VMP1: variants seen among roughly 807,000 people sequenced by gnomAD.
The protein encoded by VMP1 is vacuole membrane protein 1, also known as ectopic P-granules autophagy protein 3 homolog.
Under a neutral mutation model 56.0 loss-of-function variants are expected in VMP1, and 11 were observed. The observed-to-expected ratio is 0.20, with a 90% CI of 0.12 to 0.32. The LOEUF is 0.32. Among genes scored for constraint, VMP1 ranks in the 10% least tolerant of loss-of-function variants. The pLI is 1.00. For synonymous variants in VMP1, 149 were observed against 165.0 expected (o/e 0.90, Z 0.74); for missense variants, 296 against 490.3 (o/e 0.60, Z 3.74).
At chr17:59,724,624 A>G (rs1238914188) in intron 1 of VMP1, among the ~76,000 whole-genome samples, 1 of 151,980 alleles carries the variant, frequency 6.6e-6, no homozygotes, top group Admixed American at 6.5e-5. Context: ...GTGAGCCAAT[A>G]TTGTGCTATT....
Position 59,840,011 on chromosome 17 carries a change from A to G in VMP1, c.*100A>G, listed in dbSNP as rs1008974740. 7 of 1,492,810 alleles carry G rather than the reference A, an allele frequency of 4.7e-6. No individual in the cohort carries two copies. Among genetic ancestry groups the G allele is most frequent in the African/African-American group, 1.4e-5 (1 of 69,806 alleles). 92.5% of individuals were successfully genotyped at this position (1,492,810 alleles called of 1,614,324 possible). On this transcript the variant is annotated 3_prime_UTR_variant, in exon 12 of 12. Transcript: ENST00000262291. Reference sequence around the variant, plus strand: ...AGGAAAATTCCCTTTTCCAACCTGTATCAATTTTTACAACTTTTTTCCTGA... The same window carrying G: ...AGGAAAATTCCCTTTTCCAACCTGTGTCAATTTTTACAACTTTTTTCCTGA...
chr17:59,828,782 C>T (rs1191072975), intron 10 of VMP1, among the ~76,000 whole-genome samples: 1 of 152,162 alleles, frequency 6.6e-6, no homozygotes, highest in Non-Finnish European at 1.5e-5. Context: ...AAGTAGAATA[C>T]ATCAGTTACC....
At chr17:59,832,761 A>ATTTTTTTTTTTTTT (rs71145580) in intron 10 of VMP1, among the ~76,000 whole-genome samples, 45 of 101,300 alleles carry the variant, frequency 4.4e-4, no homozygotes, top group African/African-American at 7.6e-4. Flanking sequence ...GCCTGGCAAT[A>ATTTTTTTTTTTTTT]TTTTTTTTTT....
intron 10 of VMP1, among the ~76,000 whole-genome samples, chr17:59,821,089 GC>G (rs1248390764): frequency 6.6e-6 from 1 of 150,978 alleles, no homozygotes; most frequent in African/African-American, 2.4e-5. Flanking sequence ...TCCTGCCTCA[GC>G]CCCCCGAGTA....
At chr17:59,770,784 G>T (rs551659380) in intron 6 of VMP1, among the ~76,000 whole-genome samples, 1 of 152,098 alleles carries the variant, frequency 6.6e-6, no homozygotes, top group South Asian at 2.1e-4. Context: ...GTTTCACAAT[G>T]TTGGTCAGAC....
intron 1 of VMP1, among the ~76,000 whole-genome samples, chr17:59,717,847 G>T (rs1160965867): frequency 6.6e-6 from 1 of 152,138 alleles, no homozygotes; most frequent in African/African-American, 2.4e-5. Context: ...TTGAACCTGG[G>T]AGGTGGAGTT....
chr17:59,810,446 G>A (rs1003607082), intron 8 of VMP1, among the ~76,000 whole-genome samples: 7 of 152,038 alleles, frequency 4.6e-5, no homozygotes, highest in East Asian at 1.9e-4. Context: ...AAGACACTGC[G>A]CCCAGCCTAC....
chr17:59,817,068 A>G (rs1190862464), intron 9 of VMP1, among the ~76,000 whole-genome samples: 4 of 151,802 alleles, frequency 2.6e-5, no homozygotes, highest in African/African-American at 9.7e-5. Context: ...CAGGAGTTCA[A>G]GACCAGCCTG....
At chr17:59,774,421 AAAAG>A (rs201444735) in intron 7 of VMP1, among the ~76,000 whole-genome samples, 34 of 151,582 alleles carry the variant, frequency 2.2e-4, no homozygotes, top group African/African-American at 6.0e-4. Context: ...CTAAAAAAAA[AAAAG>A]AAAGAAAGAA....
intron 5 of VMP1, among the ~76,000 whole-genome samples, chr17:59,743,784 T>G (rs546778755): frequency 7.2e-5 from 11 of 152,042 alleles, no homozygotes; most frequent in Non-Finnish European, 1.3e-4. Context: ...GCTTAATAGC[T>G]CCAAGACTTT....
chr17:59,764,697 C>T (rs1216773951), intron 5 of VMP1, among the ~76,000 whole-genome samples: 2 of 151,954 alleles, frequency 1.3e-5, no homozygotes, highest in Non-Finnish European at 2.9e-5. Context: ...ATATGTTCGT[C>T]AAAGCTAATT....
In VMP1 at chr17:59,838,443, C is replaced by G. The variant is rs528047002; in HGVS notation, c.1077+46C>G. The stretch of plus-strand genomic sequence containing the variant: ...CTTCTCCCCTCTGGGAAGTTTCGGG[C>G]TGAAATTACATTCACAGCTCTCACT... On this transcript the variant is annotated intron_variant, in intron 11 of 11. Coordinates refer to ENST00000262291, the MANE Select transcript of VMP1 (RefSeq NM_030938.5). 1.4e-4 allele frequency: 226 copies of G among 1,589,062 alleles called. 3 individuals are homozygous for G. In the South Asian group the frequency reaches 2.3e-3, roughly 16 times the overall value.
intron 6 of VMP1, among the ~76,000 whole-genome samples, chr17:59,769,787 T>C (rs2036361173): frequency 6.6e-6 from 1 of 152,216 alleles, no homozygotes; most frequent in Admixed American, 6.5e-5. Context: ...CAGTTTTCAG[T>C]GTTCCACAAT....
intron 1 of VMP1, among the ~76,000 whole-genome samples, chr17:59,718,922 C>T (rs939190495): frequency 2.6e-5 from 4 of 151,962 alleles, no homozygotes; most frequent in African/African-American, 7.3e-5. Flanking sequence ...TCAGAGTACA[C>T]ATTCTTTAAC....
rs1331446636 is a variant in VMP1 at position 59,712,025 on chromosome 17, A to C, written c.-27+4277A>C. ...GCAACTCTTGGATTAGTTACTTTTT[A>C]CTTCTTGCTATCTCAGTTTCCTCCT... is the stretch of plus-strand genomic sequence containing the variant. On this transcript the variant is annotated intron_variant, in intron 1 of 11. Transcript: ENST00000262291. Among the ~76,000 whole-genome samples, 3 of 152,074 alleles carry C rather than the reference A, an allele frequency of 2.0e-5. No homozygotes were observed. In the South Asian group the frequency reaches 6.2e-4, roughly 32 times the overall value.
intron 9 of VMP1, 62 bp downstream of exon 9, chr17:59,811,848 T>A: frequency 8.7e-7 from 1 of 1,144,978 alleles, no homozygotes; most frequent in Non-Finnish European, 1.3e-6. Context: ...CAATGAAACA[T>A]GCTCATTCCT....
At chr17:59,721,825 C>T (rs958733742) in intron 1 of VMP1, among the ~76,000 whole-genome samples, 24 of 152,166 alleles carry the variant, frequency 1.6e-4, no homozygotes, top group African/African-American at 5.8e-4. Context: ...TAACAGAATA[C>T]CACAGACAAA....
intron 5 of VMP1, among the ~76,000 whole-genome samples, chr17:59,758,725 G>A (rs2035936971): frequency 6.6e-6 from 1 of 152,024 alleles, no homozygotes; most frequent in Non-Finnish European, 1.5e-5. Context: ...CCAGCACTTT[G>A]GGAGGTGTTG....
chr17:59,774,709 G>T (rs543571875), intron 7 of VMP1, among the ~76,000 whole-genome samples: 26 of 151,908 alleles, frequency 1.7e-4, no homozygotes, highest in Non-Finnish European at 3.2e-4. Flanking sequence ...TTGATTTAGG[G>T]TCTCACTCTG....
Sources: gnomAD v4.1 joint callset for allele counts (sites outside exome capture counted in the v4.1 genomes callset) on GRCh38, gnomAD v4.1.1 for gene constraint, MANE v1.5 for transcripts, NCBI Gene and HGNC (gene_info 2026-07-23, HGNC 2026-07-21) for gene names.